PTPRO: variants seen among roughly 807,000 people sequenced by gnomAD.
PTPRO encodes the protein protein tyrosine phosphatase receptor type O, also known as receptor-type tyrosine-protein phosphatase O.
A neutral mutation model predicts 145.2 loss-of-function variants in PTPRO; 62 were observed. The observed-to-expected ratio is 0.43, with a 90% CI of 0.35 to 0.53. PTPRO has a LOEUF of 0.53. Among genes scored for constraint, PTPRO ranks in the 20% least tolerant of loss-of-function variants. The pLI, the probability that PTPRO is intolerant of heterozygous loss-of-function variation, is 0.01. For synonymous variants in PTPRO, 565 were observed against 514.7 expected (o/e 1.10, Z -1.32); for missense variants, 1,345 against 1,482.7 (o/e 0.91, Z 1.53).
At chr12:15,360,573 T>C (rs777558359) in intron 1 of PTPRO, among the ~76,000 whole-genome samples, 3 of 152,020 alleles carry the variant, frequency 2.0e-5, no homozygotes, top group Non-Finnish European at 2.9e-5. Context: ...CACCTGAATT[T>C]AAACAGTCTG....
Position 15,572,946 on chromosome 12 carries a change from G to A in PTPRO, c.2829+3448G>A, listed in dbSNP as rs373311945. On this transcript the variant is annotated intron_variant, in intron 19 of 26. Transcript: ENST00000281171. ...GCTCTTCAATGAGTGGGACATTCCC[G>A]CACAATAGAGAATTGTCCTAGGCCG... 3.9e-5 allele frequency among the ~76,000 whole-genome samples: 6 copies of A among 152,136 alleles called. No individual in the cohort carries two copies. In the East Asian group the frequency reaches 7.7e-4, roughly 20 times the overall value.
At chr12:15,341,155 C>T (rs1029299722) in intron 1 of PTPRO, among the ~76,000 whole-genome samples, 4 of 151,934 alleles carry the variant, frequency 2.6e-5, no homozygotes, top group Non-Finnish European at 5.9e-5. Context: ...AGAGTATCTG[C>T]AAAAAATTGT....
chr12:15,424,577 A>T (rs1940232272), intron 1 of PTPRO, among the ~76,000 whole-genome samples: 1 of 152,108 alleles, frequency 6.6e-6, no homozygotes, highest in East Asian at 1.9e-4. Context: ...TGATTAAACG[A>T]ATCAGGAGAT....
chr12:15,477,929 G>T (rs253838), intron 1 of PTPRO, among the ~76,000 whole-genome samples: 2,998 of 152,226 alleles, frequency 0.02, 114 homozygotes, highest in East Asian at 0.14. Context: ...ATCAACAAAT[G>T]TTCCTCACCT....
At chr12:15,518,506 G>C (rs948727795) in intron 9 of PTPRO, among the ~76,000 whole-genome samples, 1 of 152,170 alleles carries the variant, frequency 6.6e-6, no homozygotes, top group Admixed American at 6.5e-5. Context: ...CAGCCAACTT[G>C]AATTTCTCCT....
chr12:15,371,111 G>A (rs1938514055), intron 1 of PTPRO, among the ~76,000 whole-genome samples: 1 of 152,006 alleles, frequency 6.6e-6, no homozygotes, highest in Admixed American at 6.6e-5. Context: ...GATTTTCCAA[G>A]TTTTCCACAA....
intron 1 of PTPRO, among the ~76,000 whole-genome samples, chr12:15,403,940 G>A (rs906480669): frequency 1.1e-3 from 164 of 152,132 alleles, no homozygotes; most frequent in African/African-American, 3.8e-3. Flanking sequence ...GCTCACACCT[G>A]TAATTCCAGC....
intron 1 of PTPRO, among the ~76,000 whole-genome samples, chr12:15,408,428 G>T (rs1939705102): frequency 6.6e-6 from 1 of 151,800 alleles, no homozygotes; most frequent in Admixed American, 6.6e-5. Context: ...TGTTTTCGTT[G>T]TTGTTGTTGT....
chr12:15,420,912 T>C (rs1251541408), intron 1 of PTPRO, among the ~76,000 whole-genome samples: 2 of 152,204 alleles, frequency 1.3e-5, no homozygotes, highest in East Asian at 3.9e-4. Flanking sequence ...ACATACTAAG[T>C]ATGCAATAAA....
At chr12:15,556,357 A>G (rs540460817) in intron 15 of PTPRO, among the ~76,000 whole-genome samples, 1 of 152,316 alleles carries the variant, frequency 6.6e-6, no homozygotes, top group South Asian at 2.1e-4. Context: ...AGTAATGTTA[A>G]AATCTCTGCT....
chr12:15,565,420 AATT>A (rs1943872184), intron 17 of PTPRO, 170 bp from the exon 18 acceptor site: 3 of 511,324 alleles, frequency 5.9e-6, no homozygotes, highest in African/African-American at 3.9e-5. Context: ...ATGAATCTGA[AATT>A]ATTATTATCT....
chr12:15,544,866 G>A (rs1182588007), intron 12 of PTPRO, among the ~76,000 whole-genome samples: 1 of 152,174 alleles, frequency 6.6e-6, no homozygotes, highest in Non-Finnish European at 1.5e-5. Flanking sequence ...TGGAGGACTG[G>A]ACAATTCATT....
chr12:15,345,242 TTGTC>T (rs1157176640), intron 1 of PTPRO, among the ~76,000 whole-genome samples: 1 of 152,190 alleles, frequency 6.6e-6, no homozygotes, highest in African/African-American at 2.4e-5. Context: ...CAAAACTGAA[TTGTC>T]TGTGTCAATT....
intron 1 of PTPRO, among the ~76,000 whole-genome samples, chr12:15,431,937 C>A (rs1184312830): frequency 6.6e-6 from 1 of 151,988 alleles, no homozygotes; most frequent in Non-Finnish European, 1.5e-5. Context: ...GCCAATCAAC[C>A]TTTTTTGGAC....
At chr12:15,464,988 A>G (rs539089751) in intron 1 of PTPRO, among the ~76,000 whole-genome samples, 11 of 152,338 alleles carry the variant, frequency 7.2e-5, no homozygotes. Context: ...ATATGGTAGC[A>G]AGCAATAAGA....
intron 1 of PTPRO, among the ~76,000 whole-genome samples, chr12:15,435,620 T>C (rs1283313756): frequency 6.6e-6 from 1 of 152,124 alleles, no homozygotes; most frequent in African/African-American, 2.4e-5. Context: ...TCAGTTTTTC[T>C]CTTTTCCTCA....
At chr12:15,515,676 G>A in intron 8 of PTPRO, 58 bp downstream of exon 8, 1 of 1,604,520 alleles carries the variant, frequency 6.2e-7, no homozygotes, top group Non-Finnish European at 8.5e-7. Context: ...TTGACGGAGG[G>A]GTGCAATGTG....
intron 1 of PTPRO, among the ~76,000 whole-genome samples, chr12:15,371,088 T>C (rs998200493): frequency 6.6e-6 from 1 of 152,210 alleles, no homozygotes; most frequent in Admixed American, 6.5e-5. Flanking sequence ...CTTTTTCTAG[T>C]TAGTGAGTTA....
chr12:15,522,337 T>C (rs1166429650), intron 10 of PTPRO, among the ~76,000 whole-genome samples: 5 of 151,978 alleles, frequency 3.3e-5, no homozygotes, highest in Non-Finnish European at 5.9e-5. Context: ...CCATGGTGGT[T>C]TGCTGCACCT....
Sources: allele counts gnomAD v4.1 joint callset (sites outside exome capture counted in the v4.1 genomes callset), GRCh38; gene constraint gnomAD v4.1.1; transcripts MANE v1.5; gene names NCBI Gene and HGNC (gene_info 2026-07-23, HGNC 2026-07-21).